The following AIG1 variants were observed in gnomAD, a reference collection of about 807,000 sequenced individuals.
The protein encoded by AIG1 is androgen-induced gene 1 protein.
A neutral mutation model predicts 31.4 loss-of-function variants in AIG1; 23 were observed. The observed-to-expected ratio is 0.73, with a 90% CI of 0.53 to 1.04. The LOEUF (loss-of-function observed/expected upper bound fraction) is 1.04. Among genes scored for constraint, AIG1 ranks in the 50% least tolerant of loss-of-function variants. The probability of loss-of-function intolerance (pLI) is 0.00; values close to 1 mark genes in which losing one functional copy is unlikely to be tolerated. For synonymous variants in AIG1, 100 were observed against 110.5 expected, an observed-to-expected ratio of 0.90 and a Z score of 0.60; for missense variants, 274 against 295.0, an observed-to-expected ratio of 0.93 and a Z score of 0.52.
At position 143,291,699 on chromosome 6, in the gene AIG1, A is replaced by C. The variant is rs1394167036; in HGVS notation, c.515+7474A>C. Among the ~76,000 whole-genome samples, 1 of 152,214 alleles carries C rather than the reference A, an allele frequency of 6.6e-6. No homozygotes were observed. The highest frequency in any genetic ancestry group is 1.5e-5 in the Non-Finnish European group (1 of 68,038). On this transcript the variant is annotated intron_variant, in intron 4 of 5. Coordinates refer to ENST00000357847, the MANE Select transcript of AIG1 (RefSeq NM_016108.4). The surrounding 1 kb of genome is among the most constrained non-coding windows in gnomAD (Gnocchi z 4.2). ...GGTCTTAGAGTGCATGGAATAAATAAGTAAACCCCCCTCCCATTCAGGGTT... is the reference window on the plus strand; with the variant it reads ...GGTCTTAGAGTGCATGGAATAAATACGTAAACCCCCCTCCCATTCAGGGTT...
intron 1 of AIG1, among the ~76,000 whole-genome samples, chr6:143,115,527 A>G (rs910395372): frequency 2.6e-5 from 4 of 152,328 alleles, no homozygotes; most frequent in Non-Finnish European, 5.9e-5. Flanking sequence ...AAAGCACTGC[A>G]TTGACTTTAA....
At chr6:143,142,595 TA>T (rs1442040818) in intron 2 of AIG1, among the ~76,000 whole-genome samples, 1 of 152,204 alleles carries the variant, frequency 6.6e-6, no homozygotes, top group East Asian at 1.9e-4. Flanking sequence ...TGATCAGTTC[TA>T]ACCTGGGATG....
At chr6:143,245,928 T>G (rs1206370210) in intron 3 of AIG1, among the ~76,000 whole-genome samples, 2 of 152,222 alleles carry the variant, frequency 1.3e-5, no homozygotes, top group African/African-American at 4.8e-5. Context: ...TTGTCCCATC[T>G]TTTGGCTTCC....
chr6:143,094,160 A>G (rs920058731), intron 1 of AIG1: 2 of 152,304 alleles, frequency 1.3e-5, no homozygotes, highest in Middle Eastern at 3.4e-3. Context: ...GTGTGCCTCT[A>G]TGTGATTGAT....
chr6:143,126,436 ACT>A (rs1782693669), intron 1 of AIG1: 1 of 152,216 alleles, frequency 6.6e-6, no homozygotes, highest in African/African-American at 2.4e-5. Context: ...ATACTGAGTC[ACT>A]GTCTCACGGG....
At chr6:143,148,216 A>G (rs1047981134) in intron 2 of AIG1, among the ~76,000 whole-genome samples, 1 of 151,526 alleles carries the variant, frequency 6.6e-6, no homozygotes, top group Non-Finnish European at 1.5e-5. Context: ...AACCTATATT[A>G]TGGACTGGAC....
chr6:143,287,686 G>A lies in AIG1; in HGVS notation c.515+3461G>A, dbSNP rs150224944. ...GAGGACAGAATGTACCCCATAGTTGGAAAGACACTGTTATTGTATATAAAG... is the reference window on the plus strand; with the variant it reads ...GAGGACAGAATGTACCCCATAGTTGAAAAGACACTGTTATTGTATATAAAG... On this transcript the variant is annotated intron_variant, in intron 4 of 5. Transcript: ENST00000357847. 2.2e-5 allele frequency among the ~76,000 whole-genome samples: 3 copies of A among 133,642 alleles called. No homozygotes were observed. In the East Asian group the frequency reaches 7.3e-4, roughly 33 times the overall value. The allele number at this position is 133,642 out of a possible 152,430, so 87.7% of individuals were successfully genotyped here.
intron 3 of AIG1, among the ~76,000 whole-genome samples, chr6:143,169,734 T>A (rs1412232365): frequency 6.6e-6 from 1 of 152,208 alleles, no homozygotes; most frequent in Admixed American, 6.5e-5. Flanking sequence ...GTATGTTAGC[T>A]GTGGGTTTGT....
chr6:143,108,276 A>C (rs2128488979), intron 1 of AIG1, among the ~76,000 whole-genome samples: 1 of 152,260 alleles, frequency 6.6e-6, no homozygotes, highest in East Asian at 1.9e-4. Context: ...CTAAGAGAAA[A>C]TTTTTCTTTA....
intron 2 of AIG1, among the ~76,000 whole-genome samples, chr6:143,161,287 G>A (rs1159790500): frequency 6.6e-6 from 1 of 151,940 alleles, no homozygotes; most frequent in East Asian, 1.9e-4. Flanking sequence ...GCTTTACTAG[G>A]GAAGTATATC....
chr6:143,143,554 T>TACAC (rs1554249840), intron 2 of AIG1, among the ~76,000 whole-genome samples: 4 of 103,986 alleles, frequency 3.8e-5, no homozygotes, highest in African/African-American at 1.8e-4. Context: ...TATATATATA[T>TACAC]ACACACACAC....
In AIG1 at chr6:143,308,017, G is replaced by A. The variant is rs527676700; in HGVS notation, c.515+23792G>A. Among the ~76,000 whole-genome samples, 13 of 152,344 alleles carry A rather than the reference G, an allele frequency of 8.5e-5. No homozygotes were observed. In the East Asian group the frequency reaches 9.6e-4, roughly 11 times the overall value. ...GCATAGGACCCTCTGAGCCATGTGC[G>A]GGATATAATCTCCTGGTGTGCCATT... On this transcript the variant is annotated intron_variant, in intron 4 of 5. Transcript: ENST00000357847.
At chr6:143,061,792 A>G (rs1223462232) in intron 1 of AIG1, among the ~76,000 whole-genome samples, 1 of 152,228 alleles carries the variant, frequency 6.6e-6, no homozygotes, top group Non-Finnish European at 1.5e-5. Flanking sequence ...GCAGGTTATT[A>G]TTAGTATATC....
At chr6:143,140,678 A>T (rs1349095270) in intron 2 of AIG1, among the ~76,000 whole-genome samples, 1 of 152,242 alleles carries the variant, frequency 6.6e-6, no homozygotes. Context: ...AGAAGGATGG[A>T]AGAGCATTAA....
At chr6:143,198,559 G>A (rs1014507928) in intron 3 of AIG1, among the ~76,000 whole-genome samples, 17 of 152,262 alleles carry the variant, frequency 1.1e-4, no homozygotes, top group African/African-American at 3.4e-4. Flanking sequence ...AATAACAGTC[G>A]TTTAAAATCG....
intron 1 of AIG1, among the ~76,000 whole-genome samples, chr6:143,066,284 G>GTT (rs146887376): frequency 4.0e-5 from 6 of 148,226 alleles, no homozygotes; most frequent in Admixed American, 2.7e-4. Flanking sequence ...TATTTTCTTT[G>GTT]TTTTTTTTTT....
At chr6:143,070,033 ATG>A (rs1777107838) in intron 1 of AIG1, among the ~76,000 whole-genome samples, 2 of 152,154 alleles carry the variant, frequency 1.3e-5, no homozygotes, top group Non-Finnish European at 1.5e-5. Context: ...TGCTCCACTG[ATG>A]TGTGTGTCCC....
chr6:143,109,766 TA>T (rs1216029762), intron 1 of AIG1, among the ~76,000 whole-genome samples: 1 of 152,108 alleles, frequency 6.6e-6, no homozygotes, highest in Non-Finnish European at 1.5e-5. Context: ...AGGCAAGTTT[TA>T]AAAAAAATTT....
intron 4 of AIG1, among the ~76,000 whole-genome samples, chr6:143,302,341 T>G (rs1186249562): frequency 6.6e-6 from 1 of 151,994 alleles, no homozygotes; most frequent in Non-Finnish European, 1.5e-5. Context: ...TCATTTAGCA[T>G]TAGGTATATC....
Sources: gnomAD v4.1 joint callset for allele counts (sites outside exome capture counted in the v4.1 genomes callset) on GRCh38, gnomAD v4.1.1 for gene constraint, Gnocchi (gnomAD v3.1) non-coding constraint, MANE v1.5 for transcripts, NCBI Gene and HGNC (gene_info 2026-07-23, HGNC 2026-07-21) for gene names.